BNC2: variants seen among roughly 807,000 people sequenced by gnomAD.
BNC2 encodes zinc finger protein basonuclin-2.
In BNC2, 20 loss-of-function variants were observed where a neutral mutation model predicts 76.3. The observed-to-expected ratio is 0.26, with a 90% CI of 0.18 to 0.38. BNC2 has a LOEUF of 0.38. BNC2 is among the 10% of genes least tolerant of loss of function. The probability of loss-of-function intolerance (pLI) is 1.00; values close to 1 mark genes in which losing one functional copy is unlikely to be tolerated. For synonymous variants in BNC2, 582 were observed against 514.8 expected (o/e 1.13, Z -1.77); for missense variants, 1,382 against 1,399.8 (o/e 0.99, Z 0.20).
At chr9:16,781,952 A>C (rs1252032710) in intron 1 of BNC2, among the ~76,000 whole-genome samples, 6 of 152,188 alleles carry the variant, frequency 3.9e-5, no homozygotes, top group Non-Finnish European at 1.5e-5. Flanking sequence ...AATGACAAGT[A>C]AGATTATCTA....
chr9:16,437,169 C>T lies in BNC2; in HGVS notation c.1025G>A (p.Gly342Glu), dbSNP rs376110117. Reference protein sequence around the residue: ...SAPLLGLPPNGLLLEQPGLRL... With the variant: ...SAPLLGLPPNELLLEQPGLRL... ...CAACCCTGGTTGCTCTAACAGTAGCCCATTTGGAGGCAACCCTAGCAGTGG... is the reference window on the plus strand; with the variant it reads ...CAACCCTGGTTGCTCTAACAGTAGCTCATTTGGAGGCAACCCTAGCAGTGG... Residue 342 changes from glycine to glutamate, a missense_variant, in exon 6 of 7, where the codon GGG becomes GAG. Gly to Glu is a moderately conservative substitution (Grantham distance 98, BLOSUM62 -2). Coordinates refer to ENST00000380672, the MANE Select transcript of BNC2 (RefSeq NM_017637.6). The T allele has an allele frequency of 7.4e-6, 12 of 1,613,952 alleles. No homozygotes were observed. The African/African-American group carries it at 1.5e-4, about 20-fold the overall frequency.
rs548357502 is a variant in BNC2 at position 16,412,867 on chromosome 9, G to C, written c.*6122C>G. On this transcript the variant is annotated 3_prime_UTR_variant, in exon 7 of 7. Coordinates refer to ENST00000380672, the MANE Select transcript of BNC2 (RefSeq NM_017637.6). ...CACAAGGGGATAAACAGGCAATTAC[G>C]CATCCTTTTATATTTGATGGCCAAG... 2 of 152,428 alleles carry C rather than the reference G, an allele frequency of 1.3e-5. No individual in the cohort carries two copies. Among genetic ancestry groups the C allele is most frequent in the South Asian group, 4.2e-4 (2 of 4,806 alleles). 9.4% of individuals were successfully genotyped at this position (152,428 alleles called of 1,614,324 possible).
intron 3 of BNC2, among the ~76,000 whole-genome samples, chr9:16,600,089 G>C (rs1342865560): frequency 1.3e-5 from 2 of 152,130 alleles, no homozygotes; most frequent in African/African-American, 4.8e-5. Flanking sequence ...TAATCCAAGA[G>C]GGGCCCTACA....
intron 1 of BNC2, among the ~76,000 whole-genome samples, chr9:16,779,114 TA>T (rs143267899): frequency 0.03 from 2,581 of 85,530 alleles, 79 homozygotes; most frequent in East Asian, 0.17. Context: ...ACAAAAATTG[TA>T]AAAAAAAAAA....
intron 1 of BNC2, among the ~76,000 whole-genome samples, chr9:16,865,610 T>G (rs908156478): frequency 2.6e-5 from 4 of 152,162 alleles, no homozygotes; most frequent in African/African-American, 9.7e-5. Flanking sequence ...GAAGTTTATT[T>G]TAAATTATAA....
rs533450839 is a variant in BNC2, at chr9:16,482,479, T to C, written c.670-44955A>G. Among the ~76,000 whole-genome samples the C allele has an allele frequency of 9.7e-4, 147 of 152,238 alleles. 1 individual carries two copies. The highest frequency in any genetic ancestry group is 3.3e-3 in the African/African-American group (139 of 41,534). ...GCAGAAAAAAAAAACCCTCTTCTTATATTGAACAACAAAAGAAGGAAATAA... is the reference window on the plus strand; with the variant it reads ...GCAGAAAAAAAAAACCCTCTTCTTACATTGAACAACAAAAGAAGGAAATAA... On this transcript the variant is annotated intron_variant, in intron 5 of 6. Transcript: ENST00000380672.
intron 3 of BNC2, among the ~76,000 whole-genome samples, chr9:16,595,492 C>G (rs1020905922): frequency 6.6e-6 from 1 of 152,084 alleles, no homozygotes; most frequent in Non-Finnish European, 1.5e-5. Context: ...CTTGATTTTA[C>G]CAGTGGCTAG....
rs188549632 is a variant in BNC2 at position 16,841,903 on chromosome 9, G to A, written c.3+28743C>T. Among the ~76,000 whole-genome samples the A allele has an allele frequency of 4.1e-3, 619 of 151,344 alleles. 2 individuals carry two copies. The highest frequency in any genetic ancestry group is 0.014 in the African/African-American group (595 of 41,234). On this transcript the variant is annotated intron_variant, in intron 1 of 6. Coordinates refer to ENST00000380672, the MANE Select transcript of BNC2 (RefSeq NM_017637.6). ...CAGCTTACTGCAACCTCCACCTCCCGAGTTCAAGTGATTCTCCTGCCTCAG... is the reference window on the plus strand; with the variant it reads ...CAGCTTACTGCAACCTCCACCTCCCAAGTTCAAGTGATTCTCCTGCCTCAG...
intron 1 of BNC2, among the ~76,000 whole-genome samples, chr9:16,744,417 T>C (rs1824942120): frequency 6.6e-6 from 1 of 152,186 alleles, no homozygotes; most frequent in African/African-American, 2.4e-5. Context: ...TGTAAAAATA[T>C]AGGAGAAGAC....
At chr9:16,505,019 C>G (rs1419413626) in intron 5 of BNC2, among the ~76,000 whole-genome samples, 1 of 152,230 alleles carries the variant, frequency 6.6e-6, no homozygotes, top group East Asian at 1.9e-4. Context: ...GTTTGAAACA[C>G]AACTATCTGC....
In BNC2 at chr9:16,436,601, G is replaced by A; in HGVS notation, c.1593C>T (p.Leu531=). ...CCATTGGGGGTCGGCCAGGGCTTGTGAGTGCCAGATTTGATTTTGTACTTG... is the reference window on the plus strand; with the variant it reads ...CCATTGGGGGTCGGCCAGGGCTTGTAAGTGCCAGATTTGATTTTGTACTTG... The part of the protein sequence containing the change: ...VIASTKSNLA[L]TSPGRPPMGF... Residue 531 remains leucine, a synonymous_variant, in exon 6 of 7, where the codon CTC becomes CTT. Transcript: ENST00000380672. 1 of 1,614,154 alleles carries A rather than the reference G, an allele frequency of 6.2e-7. No individual in the cohort carries two copies. The highest frequency in any genetic ancestry group is 8.5e-7 in the Non-Finnish European group (1 of 1,180,028).
At chr9:16,505,625 T>C (rs1178258561) in intron 5 of BNC2, among the ~76,000 whole-genome samples, 3 of 152,000 alleles carry the variant, frequency 2.0e-5, no homozygotes, top group African/African-American at 7.2e-5. Flanking sequence ...TAAAAGAAAA[T>C]AGTGCTTTAA....
chr9:16,741,580 T>C (rs1382202768), intron 1 of BNC2, among the ~76,000 whole-genome samples: 1 of 152,008 alleles, frequency 6.6e-6, no homozygotes, highest in South Asian at 2.1e-4. Flanking sequence ...CAAGAAAGTA[T>C]AGCTCAGAGT....
intron 4 of BNC2, among the ~76,000 whole-genome samples, chr9:16,555,543 T>G (rs1258803764): frequency 2.0e-5 from 3 of 152,024 alleles, no homozygotes; most frequent in Non-Finnish European, 4.4e-5. Flanking sequence ...ACACCTGTAA[T>G]CCCAGCACTT....
At chr9:16,446,573 C>T (rs1450886698) in intron 5 of BNC2, among the ~76,000 whole-genome samples, 2 of 152,120 alleles carry the variant, frequency 1.3e-5, no homozygotes, top group Admixed American at 6.5e-5. Context: ...GATCACCTCT[C>T]TAACCAAAAT....
At chr9:16,862,483 G>C (rs1331376065) in intron 1 of BNC2, among the ~76,000 whole-genome samples, 1 of 152,158 alleles carries the variant, frequency 6.6e-6, no homozygotes, top group East Asian at 1.9e-4. Flanking sequence ...TCAAAAGTAG[G>C]TGGAATAGAA....
intron 5 of BNC2, among the ~76,000 whole-genome samples, chr9:16,482,123 A>G (rs151224956): frequency 6.6e-6 from 1 of 152,334 alleles, no homozygotes; most frequent in African/African-American, 2.4e-5. Flanking sequence ...TAGAAGACCA[A>G]TATATGTCAA....
At chr9:16,752,880 G>C (rs1825263996) in intron 1 of BNC2, among the ~76,000 whole-genome samples, 1 of 152,094 alleles carries the variant, frequency 6.6e-6, no homozygotes, top group East Asian at 1.9e-4. Flanking sequence ...CTGACACTTA[G>C]GGTTTCTAAA....
chr9:16,767,881 G>A (rs1825738429), intron 1 of BNC2, among the ~76,000 whole-genome samples: 1 of 151,360 alleles, frequency 6.6e-6, no homozygotes, highest in Non-Finnish European at 1.5e-5. Context: ...TTTCACTAGT[G>A]AATACTTCAG....
Sources: gnomAD v4.1 joint callset for allele counts (sites outside exome capture counted in the v4.1 genomes callset) on GRCh38, gnomAD v4.1.1 for gene constraint, MANE v1.5 for transcripts, NCBI Gene and HGNC (gene_info 2026-07-23, HGNC 2026-07-21) for gene names.